The following ZNF722 variants were observed in gnomAD, a reference collection of about 807,000 sequenced individuals.
ZNF722 encodes zinc finger protein 479 pseudogene.
the ZNF722 span, among the ~76,000 whole-genome samples, chr7:64,009,685 A>T: frequency 3.3e-5 from 5 of 152,064 alleles, no homozygotes; most frequent in African/African-American, 1.2e-4. Context: ...TTCATCAGGG[A>T]TATTGGTCTA....
chr7:63,999,359 T>C, the ZNF722 span, among the ~76,000 whole-genome samples: 21 of 152,278 alleles, frequency 1.4e-4, no homozygotes, highest in African/African-American at 4.1e-4. Flanking sequence ...AGAGCTGTGG[T>C]CCCTGGGGTC....
At chr7:64,014,814 C>T in the ZNF722 span, among the ~76,000 whole-genome samples, 1 of 152,144 alleles carries the variant, frequency 6.6e-6, no homozygotes, top group South Asian at 2.1e-4. Context: ...ATTGTGCTCA[C>T]ATGGGGCACA....
the ZNF722 span, among the ~76,000 whole-genome samples, chr7:64,011,493 C>T: frequency 6.6e-6 from 1 of 152,234 alleles, no homozygotes; most frequent in South Asian, 2.1e-4. Flanking sequence ...TATTTTATTT[C>T]TCCTTCATTT....
chr7:64,014,664 C>G, the ZNF722 span, among the ~76,000 whole-genome samples: 6 of 152,270 alleles, frequency 3.9e-5, no homozygotes, highest in African/African-American at 1.2e-4. Flanking sequence ...TTCAGTCTTT[C>G]TGCTGTTGTA....
chr7:64,000,611 T>A, the ZNF722 span, among the ~76,000 whole-genome samples: 6 of 148,468 alleles, frequency 4.0e-5, no homozygotes, highest in Non-Finnish European at 7.5e-5. Context: ...CCACCACACC[T>A]AGCTGACATT....
At chr7:64,010,191 C>G in the ZNF722 span, among the ~76,000 whole-genome samples, 1 of 152,046 alleles carries the variant, frequency 6.6e-6, no homozygotes, top group African/African-American at 2.4e-5. Flanking sequence ...TTCAAAAAGC[C>G]AGCTCCTGGA....
At chr7:64,016,804 C>A in the ZNF722 span, among the ~76,000 whole-genome samples, 9 of 152,052 alleles carry the variant, frequency 5.9e-5, no homozygotes, top group Non-Finnish European at 1.3e-4. Flanking sequence ...TTTAACCATA[C>A]CTCAAACTTT....
chr7:64,000,634 A>G, the ZNF722 span, among the ~76,000 whole-genome samples: 1 of 150,020 alleles, frequency 6.7e-6, no homozygotes, highest in Non-Finnish European at 1.5e-5. Flanking sequence ...TATTTTTAGT[A>G]GAGACACAGT....
chr7:64,015,538 G>A, the ZNF722 span: 4 of 1,611,470 alleles, frequency 2.5e-6, no homozygotes, highest in Non-Finnish European at 3.4e-6. Context: ...AACCTTACTA[G>A]ACATAAGAGA....
At chr7:64,005,681 C>A in the ZNF722 span, 37 of 1,542,976 alleles carry the variant, frequency 2.4e-5, no homozygotes, top group Non-Finnish European at 3.1e-5. Flanking sequence ...GGATTGTGCT[C>A]AGCAGAATTT....
the ZNF722 span, among the ~76,000 whole-genome samples, chr7:64,000,154 G>C: frequency 6.8e-6 from 1 of 147,372 alleles, no homozygotes; most frequent in Non-Finnish European, 1.5e-5. Flanking sequence ...GTGTGTGACA[G>C]AGTTTCGCTC....
the ZNF722 span, chr7:64,016,223 C>G: frequency 9.0e-6 from 2 of 222,192 alleles, no homozygotes; most frequent in Non-Finnish European, 1.8e-5. Context: ...ACTGTAACCT[C>G]TGCCTTCCAG....
the ZNF722 span, among the ~76,000 whole-genome samples, chr7:64,004,008 A>G: frequency 6.6e-6 from 1 of 152,310 alleles, no homozygotes; most frequent in African/African-American, 2.4e-5. Context: ...CTTGCTCTCC[A>G]GGGTGCTAAA....
At chr7:64,009,024 CT>C in the ZNF722 span, among the ~76,000 whole-genome samples, 1 of 152,108 alleles carries the variant, frequency 6.6e-6, no homozygotes, top group Non-Finnish European at 1.5e-5. Flanking sequence ...TGGAAGTTCA[CT>C]CATGATTTGG....
chr7:64,002,430 A>T, the ZNF722 span, among the ~76,000 whole-genome samples: 1 of 152,158 alleles, frequency 6.6e-6, no homozygotes. Context: ...GTTTCAAAAA[A>T]TTTTTTGTGT....
chr7:64,004,835 T>C, the ZNF722 span, among the ~76,000 whole-genome samples: 1 of 152,142 alleles, frequency 6.6e-6, no homozygotes, highest in Non-Finnish European at 1.5e-5. Flanking sequence ...CAAAATATTC[T>C]TACTAGGCTA....
the ZNF722 span, among the ~76,000 whole-genome samples, chr7:64,013,286 T>C: frequency 2.0e-5 from 3 of 152,156 alleles, no homozygotes; most frequent in Non-Finnish European, 4.4e-5. Context: ...TGTCAATATT[T>C]GCTTTATATA....
the ZNF722 span, among the ~76,000 whole-genome samples, chr7:64,013,466 A>T: frequency 1.3e-5 from 2 of 151,762 alleles, no homozygotes; most frequent in African/African-American, 4.8e-5. Flanking sequence ...TTTATGCTAC[A>T]TTAGAGATTT....
At chr7:63,999,085 T>C in the ZNF722 span, 1 of 1,443,332 alleles carries the variant, frequency 6.9e-7, no homozygotes, top group Non-Finnish European at 9.7e-7. Context: ...CCAAACTTCC[T>C]CGCAGTCAGC....
Sources: allele counts gnomAD v4.1 joint callset (sites outside exome capture counted in the v4.1 genomes callset), GRCh38; gene constraint gnomAD v4.1.1; transcripts MANE v1.5; gene names NCBI Gene and HGNC (gene_info 2026-07-23, HGNC 2026-07-21).